Variants in AMPH observed in about 807,000 individuals in gnomAD.
AMPH encodes the protein amphiphysin.
In AMPH, 49 loss-of-function variants were observed where a neutral mutation model predicts 99.1. That is an observed-to-expected ratio of 0.49 (90% CI 0.39 to 0.63). The LOEUF (loss-of-function observed/expected upper bound fraction) is 0.63, where lower values mean the gene tolerates loss of function less well. Ranked by LOEUF, AMPH falls within the 20% of genes least tolerant of loss-of-function variation. The pLI, the probability that AMPH is intolerant of heterozygous loss-of-function variation, is 0.00. For synonymous variants in AMPH, 314 were observed against 317.3 expected (o/e 0.99, Z 0.11); for missense variants, 759 against 863.4 (o/e 0.88, Z 1.52).
chr7:38,428,914 C>A, intron 14 of AMPH: 1 of 916,676 alleles, frequency 1.1e-6, no homozygotes, highest in Non-Finnish European at 1.5e-6. Context: ...GTTTCCACTT[C>A]ATTAATTTTT....
At chr7:38,451,711 C>T (rs937640692) in intron 11 of AMPH, among the ~76,000 whole-genome samples, 2 of 151,998 alleles carry the variant, frequency 1.3e-5, no homozygotes, top group Non-Finnish European at 2.9e-5. Flanking sequence ...AACAGAGACT[C>T]CCTTTTCAAA....
chr7:38,429,597 G>A, intron 14 of AMPH: 3 of 1,446,510 alleles, frequency 2.1e-6, no homozygotes, highest in African/African-American at 1.4e-5. Context: ...ATGCAGAAGA[G>A]CAAAGGAAAA....
At chr7:38,549,101 GT>G (rs1279067581) in intron 1 of AMPH, among the ~76,000 whole-genome samples, 1 of 152,140 alleles carries the variant, frequency 6.6e-6, no homozygotes, top group Non-Finnish European at 1.5e-5. Flanking sequence ...TAGGGGCTTT[GT>G]TTTTTGTTAA....
At chr7:38,621,635 G>A (rs2129070683) in intron 1 of AMPH, among the ~76,000 whole-genome samples, 1 of 152,186 alleles carries the variant, frequency 6.6e-6, no homozygotes, top group Admixed American at 6.5e-5. Flanking sequence ...TTATTAATTT[G>A]TTAAATTATT....
intron 11 of AMPH, among the ~76,000 whole-genome samples, chr7:38,452,168 TG>T (rs113711314): frequency 0.022 from 3,277 of 152,260 alleles, 117 homozygotes; most frequent in African/African-American, 0.075. Flanking sequence ...TTTGAGCTTC[TG>T]GGCAGGAATA....
rs768637215 is a variant in AMPH at position 38,428,885 on chromosome 7, T to C, written c.1182+957A>G. ...TGGCGTTTGTACTTTCCTTATACCC[T>C]GCTCTTAGATCTTTTCTAGTTTCCA... On this transcript the variant is annotated intron_variant, in intron 14 of 20. Transcript: ENST00000356264. The C allele has an allele frequency of 2.8e-4, 189 of 684,064 alleles. 1 individual carries two copies. The highest frequency in any genetic ancestry group is 4.2e-4 in the Non-Finnish European group (181 of 435,116). 42.4% of individuals were successfully genotyped at this position (684,064 alleles called of 1,614,324 possible). A position where few individuals can be genotyped will look rare whatever the true frequency, so the allele number is the denominator to read the frequency against.
chr7:38,574,170 G>A (rs955135744), intron 1 of AMPH, among the ~76,000 whole-genome samples: 4 of 152,148 alleles, frequency 2.6e-5, no homozygotes, highest in African/African-American at 9.7e-5. Context: ...TTCCCACAAC[G>A]AGTGATGCCA....
intron 11 of AMPH, among the ~76,000 whole-genome samples, chr7:38,447,965 C>A (rs1786855857): frequency 6.6e-6 from 1 of 152,078 alleles, no homozygotes; most frequent in Non-Finnish European, 1.5e-5. Context: ...CCCAATGAGG[C>A]AAAAGAGGTA....
chr7:38,535,500 C>G (rs1361140185), intron 1 of AMPH, among the ~76,000 whole-genome samples: 1 of 152,140 alleles, frequency 6.6e-6, no homozygotes, highest in African/African-American at 2.4e-5. Flanking sequence ...TTCCACTGAC[C>G]AGAGGGTGGC....
At chr7:38,422,579 T>C (rs13228275) in intron 15 of AMPH, 102 bp from the exon 16 acceptor site, 43,513 of 771,088 alleles carry the variant, frequency 0.056, 1,947 homozygotes, top group African/African-American at 0.17. Context: ...TCTATCTATC[T>C]ATCTATCTAT....
intron 11 of AMPH, among the ~76,000 whole-genome samples, chr7:38,440,283 G>T (rs192255276): frequency 9.2e-5 from 14 of 152,316 alleles, no homozygotes; most frequent in African/African-American, 3.4e-4. Flanking sequence ...AAAGTACTGA[G>T]AAAAAGAAAC....
Position 38,610,328 on chromosome 7 carries a change from AAAGAAAAAAGAAAAG to A in AMPH, c.69+20940_69+20954del, listed in dbSNP as rs1288611642. On this transcript the variant is annotated intron_variant, in intron 1 of 20. Coordinates refer to ENST00000356264, the MANE Select transcript of AMPH (RefSeq NM_001635.4). Reference sequence around the variant, plus strand: ...AAAGAAAAGAAAAGAAAAGAAAAGAAAAGAAAAAAGAAAAGAAAAGAAAAGAAAAGAAAAGAAAAG... The same window carrying A: ...AAAGAAAAGAAAAGAAAAGAAAAGAAAAAAGAAAAGAAAAGAAAAGAAAAG... 7.5e-4 allele frequency among the ~76,000 whole-genome samples: 31 copies of A among 41,306 alleles called. 2 individuals carry two copies. Among genetic ancestry groups the A allele is most frequent in the African/African-American group, 3.4e-3 (23 of 6,824 alleles). 27.1% of individuals were successfully genotyped at this position (41,306 alleles called of 152,430 possible).
At chr7:38,575,429 T>C (rs956138877) in intron 1 of AMPH, among the ~76,000 whole-genome samples, 8 of 152,270 alleles carry the variant, frequency 5.3e-5, no homozygotes, top group Non-Finnish European at 7.4e-5. Context: ...CCAAATCTCA[T>C]CTTAAATTGT....
chr7:38,416,927 T>C lies in AMPH; in HGVS notation c.1398+898A>G, dbSNP rs568644852. On this transcript the variant is annotated intron_variant, in intron 17 of 20. Transcript: ENST00000356264. ...ATGACCTACCATTTTCCCTGTAAAA[T>C]GACTTAAGGCACCAACGACATGAAG... Among the ~76,000 whole-genome samples the C allele has an allele frequency of 2.6e-5, 4 of 152,356 alleles. No homozygotes were observed. The East Asian group carries it at 7.7e-4, about 29-fold the overall frequency.
At chr7:38,584,686 C>A (rs545729631) in intron 1 of AMPH, among the ~76,000 whole-genome samples, 2 of 152,160 alleles carry the variant, frequency 1.3e-5, no homozygotes, top group Non-Finnish European at 2.9e-5. Context: ...CAGTTTCTGA[C>A]GAGAGAACTA....
intron 4 of AMPH, among the ~76,000 whole-genome samples, chr7:38,492,682 G>T (rs576457433): frequency 6.6e-6 from 1 of 152,248 alleles, no homozygotes; most frequent in East Asian, 1.9e-4. Context: ...GCCTATGTTT[G>T]CATGTGCAAC....
At chr7:38,539,426 C>CAAAG (rs3056275) in intron 1 of AMPH, among the ~76,000 whole-genome samples, 147,038 of 152,066 alleles carry the variant, frequency 0.97, 71,115 homozygotes, top group East Asian at 1. Context: ...GGGAACTGAT[C>CAAAG]AAAGGAGGCA....
In AMPH at chr7:38,473,426, C is replaced by T. The variant is rs1186145521; in HGVS notation, c.590+1905G>A. On this transcript the variant is annotated intron_variant, in intron 7 of 20. Transcript: ENST00000356264. ...TTGGATAAAAGTATTCCATGAAGGC[C>T]GGGCGCGGTGGCTCACGCCTGTAAT... Among the ~76,000 whole-genome samples, 7 of 66,272 alleles carry T rather than the reference C, an allele frequency of 1.1e-4. 1 individual carries two copies. The highest frequency in any genetic ancestry group is 2.1e-4 in the African/African-American group (3 of 14,232). The allele number at this position is 66,272 out of a possible 152,430, so 43.5% of individuals were successfully genotyped here. A position where few individuals can be genotyped will look rare whatever the true frequency, so the allele number is the denominator to read the frequency against.
At chr7:38,445,731 TA>T (rs79617060) in intron 11 of AMPH, among the ~76,000 whole-genome samples, 37,589 of 152,098 alleles carry the variant, frequency 0.25, 5,026 homozygotes, top group African/African-American at 0.33. Context: ...TAGCTAAAAT[TA>T]AAAACACTAA....
Sources: allele counts gnomAD v4.1 joint callset (sites outside exome capture counted in the v4.1 genomes callset), GRCh38; gene constraint gnomAD v4.1.1; transcripts MANE v1.5; gene names NCBI Gene and HGNC (gene_info 2026-07-23, HGNC 2026-07-21).